Variants in NCDN observed in about 807,000 individuals in gnomAD.
NCDN encodes the protein norbin.
Under a neutral mutation model 60.7 loss-of-function variants are expected in NCDN, and 9 were observed. That is an observed-to-expected ratio of 0.15 (90% CI 0.09 to 0.26). The LOEUF (loss-of-function observed/expected upper bound fraction) is 0.26, where lower values mean the gene tolerates loss of function less well. NCDN is among the 10% of genes least tolerant of loss of function. The probability of loss-of-function intolerance (pLI) is 1.00; values close to 1 mark genes in which losing one functional copy is unlikely to be tolerated. For missense variants in NCDN, 578 were observed against 975.2 expected (o/e 0.59, Z 5.42); for synonymous variants, 409 against 442.5 (o/e 0.92, Z 0.95).
In NCDN at chr1:35,565,972, T is replaced by G; in HGVS notation, c.*309T>G. On this transcript the variant is annotated 3_prime_UTR_variant, in exon 7 of 7. Transcript: ENST00000373243. The surrounding 1 kb of genome is among the most constrained non-coding windows in gnomAD (Gnocchi z 8.9). ...ACTAGGTGTCATTGTGCCCGATGTC[T>G]GGCTCCCCTGCAGGAGGGAGGCTCC... The G allele has an allele frequency of 3.0e-6, 1 of 328,598 alleles. No individual in the cohort carries two copies. Among genetic ancestry groups the G allele is most frequent in the Non-Finnish European group, 5.7e-6 (1 of 175,110 alleles). The allele number at this position is 328,598 out of a possible 1,614,324, so 20.4% of individuals were successfully genotyped here. A position where few individuals can be genotyped will look rare whatever the true frequency, so the allele number is the denominator to read the frequency against.
rs2148540997 is a variant in NCDN at position 35,566,063 on chromosome 1, GCTCC to G, written c.*402_*405del. The G allele has an allele frequency of 5.0e-6, 1 of 201,950 alleles. No homozygotes were observed. The highest frequency in any genetic ancestry group is 1.4e-4 in the East Asian group (1 of 7,050). 12.5% of individuals were successfully genotyped at this position (201,950 alleles called of 1,614,324 possible). On this transcript the variant is annotated 3_prime_UTR_variant, in exon 7 of 7. Transcript: ENST00000373243. This position sits in a 1 kb window ranked among gnomAD's most constrained non-coding sequence, Gnocchi z 5.3. ...ATGTGCCCTGCCGGCCAGGGCGTGG[GCTCC>G]CCTCGGCTGTGGTGCCTCCTCTGGC...
Position 35,560,239 on chromosome 1 carries a change from C to G in NCDN, c.175-87C>G. ...AGTCCTGTTGCATAACCTCATCTTG[C>G]TAGTCCTCAGTGCCCCAGGATGCAG... On this transcript the variant is annotated intron_variant, in intron 2 of 6. Transcript: ENST00000373243. This position sits in a 1 kb window ranked among gnomAD's most constrained non-coding sequence, Gnocchi z 7.6. 1 of 1,498,432 alleles carries G rather than the reference C, an allele frequency of 6.7e-7. No homozygotes were observed. The highest frequency in any genetic ancestry group is 9.0e-7 in the Non-Finnish European group (1 of 1,109,662). 92.8% of individuals were successfully genotyped at this position (1,498,432 alleles called of 1,614,324 possible).
At chr1:35,564,052 T>C (rs1261039627) in intron 6 of NCDN, 143 bp downstream of exon 6, 2 of 1,027,780 alleles carry the variant, frequency 1.9e-6, no homozygotes, top group Non-Finnish European at 2.7e-6. Context: ...TGTATCTCCA[T>C]CCCCTACCCC....
Position 35,566,710 on chromosome 1 carries a change from C to T in NCDN, c.*1047C>T. The stretch of plus-strand genomic sequence containing the variant: ...GATCCCTTGCTTCCCTCCCCCAGTG[C>T]GTTCTGTGATCGCCAAGTTCAAAGC... On this transcript the variant is annotated 3_prime_UTR_variant, in exon 7 of 7. Coordinates refer to ENST00000373243, the MANE Select transcript of NCDN (RefSeq NM_014284.3). The surrounding 1 kb of genome is among the most constrained non-coding windows in gnomAD (Gnocchi z 5.3). 1 of 451,772 alleles carries T rather than the reference C, an allele frequency of 2.2e-6. No homozygotes were observed. The allele number at this position is 451,772 out of a possible 1,614,324, so 28.0% of individuals were successfully genotyped here. A position where few individuals can be genotyped will look rare whatever the true frequency, so the allele number is the denominator to read the frequency against.
intron 2 of NCDN, among the ~76,000 whole-genome samples, chr1:35,559,779 AGCCGCT>A (rs1287081579): frequency 3.3e-5 from 5 of 151,990 alleles, no homozygotes; most frequent in Non-Finnish European, 7.4e-5. Flanking sequence ...GAGGGAGTAC[AGCCGCT>A]GCTTGTTTGC....
chr1:35,559,058 C>A (rs1257799869), intron 1 of NCDN, 49 bp from the exon 2 acceptor site: 4 of 1,420,740 alleles, frequency 2.8e-6, no homozygotes, highest in Non-Finnish European at 3.9e-6. Flanking sequence ...CCCACCCCAC[C>A]CCCGTCCCTC....
chr1:35,561,915 T>A lies in NCDN; in HGVS notation c.1144-477T>A, dbSNP rs555025925. Among the ~76,000 whole-genome samples, 1 of 152,256 alleles carries A rather than the reference T, an allele frequency of 6.6e-6. No homozygotes were observed. Among genetic ancestry groups the A allele is most frequent in the East Asian group, 1.9e-4 (1 of 5,182 alleles). ...CCATGCACCACGCTAAGCTCATGTC[T>A]TTTTTCTGACTTAGCACAAAAGAGA... On this transcript the variant is annotated intron_variant, in intron 3 of 6. Coordinates refer to ENST00000373243, the MANE Select transcript of NCDN (RefSeq NM_014284.3). This position sits in a 1 kb window ranked among gnomAD's most constrained non-coding sequence, Gnocchi z 4.9.
intron 6 of NCDN, among the ~76,000 whole-genome samples, chr1:35,564,586 G>T (rs149766212): frequency 6.6e-6 from 1 of 152,170 alleles, no homozygotes. Context: ...TCCCAGCAGG[G>T]TACCCCGTCA....
In NCDN at chr1:35,560,912, C is replaced by T; in HGVS notation, c.761C>T (p.Pro254Leu). Residue 254 changes from proline (P) to leucine (L), a missense_variant, in exon 3 of 7, where the codon CCC (proline) becomes CTC (leucine). Pro to Leu is a moderately conservative substitution (Grantham distance 98). Transcript: ENST00000373243. This position sits in a 1 kb window ranked among gnomAD's most constrained non-coding sequence, Gnocchi z 7.6. ...LPLFLPPTTVPPECYRDLQAG... is the reference protein window; with the variant it reads ...LPLFLPPTTVLPECYRDLQAG... ...CTCTTTTTGCCCCCGACAACCGTGC[C>T]CCCTGAATGCTACCGGGATCTGCAG... The T allele has an allele frequency of 6.2e-7, 1 of 1,614,142 alleles. No homozygotes were observed. Among genetic ancestry groups the T allele is most frequent in the Non-Finnish European group, 8.5e-7 (1 of 1,180,004 alleles).
intron 6 of NCDN, among the ~76,000 whole-genome samples, chr1:35,564,688 A>G (rs1237638049): frequency 6.6e-6 from 1 of 152,200 alleles, no homozygotes; most frequent in Non-Finnish European, 1.5e-5. Context: ...TCATGGTCCC[A>G]GTTCTGGCTC....
chr1:35,559,021 T>A, intron 1 of NCDN, 86 bp from the exon 2 acceptor site: 17 of 786,252 alleles, frequency 2.2e-5, no homozygotes, highest in East Asian at 4.3e-5. Flanking sequence ...TGCTAATCCC[T>A]CCCTCCCTCC....
rs1304320238 is a variant in NCDN at position 35,561,932 on chromosome 1, CA to C, written c.1144-456del. 6.6e-6 allele frequency among the ~76,000 whole-genome samples: 1 copy of C among 152,166 alleles called. No homozygotes were observed. Among genetic ancestry groups the C allele is most frequent in the East Asian group, 1.9e-4 (1 of 5,194 alleles). On this transcript the variant is annotated intron_variant, in intron 3 of 6. Transcript: ENST00000373243. This position sits in a 1 kb window ranked among gnomAD's most constrained non-coding sequence, Gnocchi z 4.9. ...CTCATGTCTTTTTTCTGACTTAGCA[CA>C]AAAGAGAGCATCCCCTCACTCCCAC... is the stretch of plus-strand genomic sequence containing the variant.
chr1:35,563,953 C>G lies in NCDN; in HGVS notation c.1753+44C>G. 1 of 1,564,614 alleles carries G rather than the reference C, an allele frequency of 6.4e-7. No homozygotes were observed. Among genetic ancestry groups the G allele is most frequent in the Non-Finnish European group, 8.6e-7 (1 of 1,158,414 alleles). On this transcript the variant is annotated intron_variant, in intron 6 of 6. Coordinates refer to ENST00000373243, the MANE Select transcript of NCDN (RefSeq NM_014284.3). This position sits in a 1 kb window ranked among gnomAD's most constrained non-coding sequence, Gnocchi z 6.6. ...GTCCTGATGGGTGAGGACAGAAGAC[C>G]TGGGTGGACCTCCTGTGTTTGGGGC...
At position 35,562,690 on chromosome 1, in the gene NCDN, C is replaced by T. The variant is rs1648742894; in HGVS notation, c.1385+57C>T. 5 of 1,547,940 alleles carry T rather than the reference C, an allele frequency of 3.2e-6. No individual in the cohort carries two copies. The highest frequency in any genetic ancestry group is 2.5e-5 in the South Asian group (2 of 80,848). The stretch of plus-strand genomic sequence containing the variant: ...ATCATTCTACCGAAAAGCGTTAACA[C>T]AAGGACACCCCTCCCCACAAACTGA... On this transcript the variant is annotated intron_variant, in intron 4 of 6. Transcript: ENST00000373243. This position sits in a 1 kb window ranked among gnomAD's most constrained non-coding sequence, Gnocchi z 6.8.
At position 35,565,664 on chromosome 1, in the gene NCDN, G is replaced by T; in HGVS notation, c.*1G>T. 6.5e-7 allele frequency: 1 copy of T among 1,547,262 alleles called. No individual in the cohort carries two copies. The highest frequency in any genetic ancestry group is 8.7e-7 in the Non-Finnish European group (1 of 1,153,462). ...GGAGCAGTGCCTGTCAGAGCCCTGAGGGGTGTCCACCGGGGACAGACCCAG... is the reference window on the plus strand; with the variant it reads ...GGAGCAGTGCCTGTCAGAGCCCTGATGGGTGTCCACCGGGGACAGACCCAG... On this transcript the variant is annotated 3_prime_UTR_variant, in exon 7 of 7. Transcript: ENST00000373243. This position sits in a 1 kb window ranked among gnomAD's most constrained non-coding sequence, Gnocchi z 8.9.
Position 35,562,387 on chromosome 1 carries a change from A to G in NCDN, c.1144-5A>G, listed in dbSNP as rs767585959. 4 of 1,613,502 alleles carry G rather than the reference A, an allele frequency of 2.5e-6. No individual in the cohort carries two copies. The East Asian group carries it at 8.9e-5, about 36-fold the overall frequency. The stretch of plus-strand genomic sequence containing the variant: ...CTCCATCTCAAGGGGGTCCTGTGGC[A>G]ACAGGTGGGGTCAGAGAAGCAGAAG... On this transcript the variant is annotated splice_region_variant and splice_polypyrimidine_tract_variant and intron_variant, in intron 3 of 6. Coordinates refer to ENST00000373243, the MANE Select transcript of NCDN (RefSeq NM_014284.3). This position sits in a 1 kb window ranked among gnomAD's most constrained non-coding sequence, Gnocchi z 6.8.
rs900137264 is a variant in NCDN at position 35,566,722 on chromosome 1, G to A, written c.*1059G>A. On this transcript the variant is annotated 3_prime_UTR_variant, in exon 7 of 7. Coordinates refer to ENST00000373243, the MANE Select transcript of NCDN (RefSeq NM_014284.3). This position sits in a 1 kb window ranked among gnomAD's most constrained non-coding sequence, Gnocchi z 5.3. Reference sequence around the variant, plus strand: ...CCCTCCCCCAGTGCGTTCTGTGATCGCCAAGTTCAAAGCTGTGCACATGTG... The same window carrying A: ...CCCTCCCCCAGTGCGTTCTGTGATCACCAAGTTCAAAGCTGTGCACATGTG... 35 of 457,374 alleles carry A rather than the reference G, an allele frequency of 7.7e-5. No homozygotes were observed. Among genetic ancestry groups the A allele is most frequent in the East Asian group, 4.9e-4 (7 of 14,232 alleles). The allele number at this position is 457,374 out of a possible 1,614,324, so 28.3% of individuals were successfully genotyped here.
rs1050412139 is a variant in NCDN at position 35,560,889 on chromosome 1, C to A, written c.738C>A (p.Leu246=). The A allele has an allele frequency of 3.1e-6, 5 of 1,614,106 alleles. No individual in the cohort carries two copies. Among genetic ancestry groups the A allele is most frequent in the Admixed American group, 1.7e-5 (1 of 60,014 alleles). ...SKFELCQLLP[L]FLPPTTVPPE... ...TTGAGCTCTGCCAGCTGCTGCCCCT[C>A]TTTTTGCCCCCGACAACCGTGCCCC... Residue 246 remains leucine (L), a synonymous_variant, in exon 3 of 7, where the codon CTC becomes CTA. Coordinates refer to ENST00000373243, the MANE Select transcript of NCDN (RefSeq NM_014284.3). The surrounding 1 kb of genome is among the most constrained non-coding windows in gnomAD (Gnocchi z 7.6).
Position 35,563,205 on chromosome 1 carries a change from C to T in NCDN, c.1389C>T (p.Leu463=). 3 of 1,612,398 alleles carry T rather than the reference C, an allele frequency of 1.9e-6. No homozygotes were observed. The highest frequency in any genetic ancestry group is 2.5e-6 in the Non-Finnish European group (3 of 1,178,658). The part of the protein sequence containing the change: ...GPTWPGDALR[L]LLPGWCHLTV... ...TCTGTCCCTTCCACATCCCCAGGCT[C>T]CTCCTGCCTGGCTGGTGCCACCTGA... Residue 463 remains leucine (L), a synonymous_variant, in exon 5 of 7, where the codon CTC becomes CTT. Transcript: ENST00000373243. This position sits in a 1 kb window ranked among gnomAD's most constrained non-coding sequence, Gnocchi z 6.6.
Sources: gnomAD v4.1 joint callset for allele counts (sites outside exome capture counted in the v4.1 genomes callset) on GRCh38, gnomAD v4.1.1 for gene constraint, Gnocchi (gnomAD v3.1) non-coding constraint, MANE v1.5 for transcripts, NCBI Gene and HGNC (gene_info 2026-07-23, HGNC 2026-07-21) for gene names.